Variants in TTC28 observed in about 807,000 individuals in gnomAD.
TTC28 encodes tetratricopeptide repeat domain 28, also known as tetratricopeptide repeat protein 28.
A neutral mutation model predicts 198.0 loss-of-function variants in TTC28; 61 were observed. The ratio of observed to expected loss-of-function variants is 0.31; its 90% confidence interval spans 0.25 to 0.38. TTC28 has a LOEUF of 0.38. Ranked by LOEUF, TTC28 falls within the 10% of genes least tolerant of loss-of-function variation. The pLI, the probability that TTC28 is intolerant of heterozygous loss-of-function variation, is 1.00. For synonymous variants in TTC28, 1,171 were observed against 1,297.8 expected (o/e 0.90, Z 2.10); for missense variants, 2,678 against 3,164.0 (o/e 0.85, Z 3.69).
At chr22:28,156,826 A>G (rs1375227073) in intron 6 of TTC28, among the ~76,000 whole-genome samples, 2 of 152,218 alleles carry the variant, frequency 1.3e-5, no homozygotes, top group Non-Finnish European at 2.9e-5. Context: ...TTAAATTTAT[A>G]GCTATAAGTG....
At chr22:28,061,990 G>A (rs1229680767) in intron 12 of TTC28, among the ~76,000 whole-genome samples, 1 of 152,044 alleles carries the variant, frequency 6.6e-6, no homozygotes, top group Non-Finnish European at 1.5e-5. Flanking sequence ...ATTGTGAATG[G>A]GAGTTCACTC....
intron 1 of TTC28, among the ~76,000 whole-genome samples, chr22:28,644,510 A>G (rs1254803594): frequency 1.3e-5 from 2 of 151,750 alleles, no homozygotes; most frequent in Non-Finnish European, 2.9e-5. Flanking sequence ...AACTATATCC[A>G]AAGTTACTTT....
chr22:28,350,667 A>C (rs1053766648), intron 2 of TTC28, among the ~76,000 whole-genome samples: 1 of 152,186 alleles, frequency 6.6e-6, no homozygotes, highest in Non-Finnish European at 1.5e-5. Context: ...CACAAGCTTA[A>C]GAATCCCTGA....
At chr22:28,338,322 C>A (rs982161359) in intron 2 of TTC28, among the ~76,000 whole-genome samples, 2 of 152,050 alleles carry the variant, frequency 1.3e-5, no homozygotes, top group South Asian at 4.2e-4. Flanking sequence ...TGTGTCTTGG[C>A]ATTGCTCTTC....
chr22:28,006,083 T>C (rs1238515819), intron 14 of TTC28, among the ~76,000 whole-genome samples: 1 of 152,062 alleles, frequency 6.6e-6, no homozygotes, highest in Non-Finnish European at 1.5e-5. Context: ...GGGGAAAGAA[T>C]AGGGGGTCTG....
intron 2 of TTC28, among the ~76,000 whole-genome samples, chr22:28,326,063 C>T (rs1315341148): frequency 6.6e-6 from 1 of 151,972 alleles, no homozygotes; most frequent in African/African-American, 2.4e-5. Flanking sequence ...CATAATTTCC[C>T]CAAACTAGAA....
intron 2 of TTC28, among the ~76,000 whole-genome samples, chr22:28,460,615 A>G (rs1057426380): frequency 1.8e-4 from 1 of 5,438 alleles, no homozygotes; most frequent in Non-Finnish European, 4.1e-4. Context: ...TGGTAGATAG[A>G]TAGATAGATA....
At chr22:28,227,085 C>T (rs1428522851) in intron 5 of TTC28, among the ~76,000 whole-genome samples, 2 of 152,136 alleles carry the variant, frequency 1.3e-5, no homozygotes, top group Middle Eastern at 3.4e-3. Flanking sequence ...CCTCCATGCT[C>T]GGCTAATTTT....
chr22:28,596,806 CAG>C (rs2050550509), intron 2 of TTC28, among the ~76,000 whole-genome samples: 1 of 152,136 alleles, frequency 6.6e-6, no homozygotes, highest in East Asian at 1.9e-4. Context: ...GAGTGCCAGA[CAG>C]ACATCTGGAG....
intron 2 of TTC28, among the ~76,000 whole-genome samples, chr22:28,393,608 C>T (rs558397288): frequency 6.6e-6 from 1 of 152,194 alleles, no homozygotes; most frequent in East Asian, 1.9e-4. Context: ...ACAGGAGGAT[C>T]ATTTGAGCCC....
intron 2 of TTC28, among the ~76,000 whole-genome samples, chr22:28,467,726 T>C (rs17504822): frequency 0.27 from 41,316 of 152,112 alleles, 7,010 homozygotes; most frequent in Middle Eastern, 0.41. Context: ...ATTTTTGTTA[T>C]ATCAGAAAAG....
intron 18 of TTC28, 80 bp from the exon 19 acceptor site, chr22:27,992,743 C>T (rs1377179117): frequency 2.9e-6 from 4 of 1,381,212 alleles, no homozygotes; most frequent in East Asian, 5.0e-5. Flanking sequence ...GGGGAAAGAA[C>T]CCTAAATCCT....
chr22:28,558,411 C>T (rs540616374), intron 2 of TTC28, among the ~76,000 whole-genome samples: 270 of 152,218 alleles, frequency 1.8e-3, no homozygotes, highest in Middle Eastern at 0.01. Context: ...CAGTGGCTCA[C>T]GCCTGTAATC....
At chr22:28,391,248 G>A (rs1359354982) in intron 2 of TTC28, among the ~76,000 whole-genome samples, 10 of 152,254 alleles carry the variant, frequency 6.6e-5, no homozygotes, top group South Asian at 2.1e-4. Context: ...TGGGTAACCC[G>A]ACCTTTCTCC....
intron 12 of TTC28, among the ~76,000 whole-genome samples, chr22:28,070,954 T>A (rs887520002): frequency 1.3e-5 from 2 of 152,174 alleles, no homozygotes; most frequent in Non-Finnish European, 2.9e-5. Flanking sequence ...CCATTGCTAC[T>A]CGATTCAACT....
intron 5 of TTC28, among the ~76,000 whole-genome samples, chr22:28,211,700 C>A (rs1283332321): frequency 1.3e-5 from 2 of 152,104 alleles, no homozygotes; most frequent in Non-Finnish European, 2.9e-5. Context: ...TAACACCCCA[C>A]TGTCAACATT....
At chr22:28,593,430 T>A (rs1004429626) in intron 2 of TTC28, among the ~76,000 whole-genome samples, 2 of 152,024 alleles carry the variant, frequency 1.3e-5, no homozygotes, top group African/African-American at 2.4e-5. Flanking sequence ...AGCAACCAGA[T>A]AGACAGACAG....
intron 1 of TTC28, among the ~76,000 whole-genome samples, chr22:28,671,376 C>A (rs896453007): frequency 2.4e-4 from 37 of 152,082 alleles, no homozygotes; most frequent in African/African-American, 8.9e-4. Flanking sequence ...TGGCTCACGC[C>A]TGTAATCCCA....
chr22:28,503,300 T>C (rs1167377730), intron 2 of TTC28, among the ~76,000 whole-genome samples: 1 of 152,200 alleles, frequency 6.6e-6, no homozygotes, highest in Non-Finnish European at 1.5e-5. Flanking sequence ...GCTGTACTCC[T>C]TTGGACCACT....
Sources: gnomAD v4.1 joint callset for allele counts (sites outside exome capture counted in the v4.1 genomes callset) on GRCh38, gnomAD v4.1.1 for gene constraint, MANE v1.5 for transcripts, NCBI Gene and HGNC (gene_info 2026-07-23, HGNC 2026-07-21) for gene names.